The following KCNJ6 variants were observed in gnomAD, a reference collection of about 807,000 sequenced individuals.
KCNJ6 encodes the protein potassium inwardly rectifying channel subfamily J member 6.
In KCNJ6, 9 loss-of-function variants were observed where a neutral mutation model predicts 34.2. The ratio of observed to expected loss-of-function variants is 0.26; its 90% CI spans 0.16 to 0.46. KCNJ6 has a LOEUF of 0.46. Among genes scored for constraint, KCNJ6 ranks in the 20% least tolerant of loss-of-function variants. The pLI, the probability that KCNJ6 is intolerant of heterozygous loss-of-function variation, is 1.00. For missense variants in KCNJ6, 236 were observed against 531.3 expected, an observed-to-expected ratio of 0.44 and a Z score of 5.46; for synonymous variants, 196 against 207.1, an observed-to-expected ratio of 0.95 and a Z score of 0.46.
chr21:37,730,712 T>C lies in KCNJ6; in HGVS notation c.26-15581A>G, dbSNP rs191821710. On this transcript the variant is annotated intron_variant, in intron 2 of 3. Transcript: ENST00000609713. ...AACACAAAACCTGCATAGTGCCCCA[T>C]ATCAATGTGCAGTTGCATTCTACAC... is the stretch of plus-strand genomic sequence containing the variant. Among the ~76,000 whole-genome samples, 86 of 152,288 alleles carry C rather than the reference T, an allele frequency of 5.6e-4. 2 individuals are homozygous for C. The highest frequency in any genetic ancestry group is 1.8e-3 in the African/African-American group (74 of 41,546).
At chr21:37,889,668 G>A (rs1031307038) in intron 1 of KCNJ6, among the ~76,000 whole-genome samples, 1 of 152,316 alleles carries the variant, frequency 6.6e-6, no homozygotes, top group South Asian at 2.1e-4. Context: ...CTCCAGGGAA[G>A]AATCCACTCC....
At chr21:37,849,374 C>A (rs1186144164) in intron 1 of KCNJ6, among the ~76,000 whole-genome samples, 1 of 152,194 alleles carries the variant, frequency 6.6e-6, no homozygotes, top group Non-Finnish European at 1.5e-5. Context: ...CTTGCGGTGG[C>A]CAATGCCTCT....
intron 1 of KCNJ6, among the ~76,000 whole-genome samples, chr21:37,904,443 T>C (rs568028899): frequency 2.0e-4 from 31 of 152,294 alleles, no homozygotes; most frequent in African/African-American, 6.7e-4. Context: ...GACAGCAAAG[T>C]ATTTTTGTTC....
chr21:37,791,556 G>C (rs1288509667), intron 2 of KCNJ6, among the ~76,000 whole-genome samples: 1 of 152,212 alleles, frequency 6.6e-6, no homozygotes, highest in Non-Finnish European at 1.5e-5. Context: ...CACAATCTTA[G>C]TTCTAATAAA....
At chr21:37,797,009 GGT>G (rs1450484829) in intron 2 of KCNJ6, among the ~76,000 whole-genome samples, 1 of 151,414 alleles carries the variant, frequency 6.6e-6, no homozygotes, top group Non-Finnish European at 1.5e-5. Flanking sequence ...TAGCCAGGAT[GGT>G]CTCGATCTCC....
intron 1 of KCNJ6, among the ~76,000 whole-genome samples, chr21:37,910,146 T>C (rs2055860306): frequency 6.6e-6 from 1 of 152,138 alleles, no homozygotes. Flanking sequence ...AGCAGAGGCA[T>C]AGCGCTCCAG....
chr21:37,843,224 G>A (rs371734106), intron 1 of KCNJ6, among the ~76,000 whole-genome samples: 1 of 152,126 alleles, frequency 6.6e-6, no homozygotes. Context: ...CTGGTGGGTG[G>A]TCCTTGCAGC....
chr21:37,651,572 G>A (rs73904013), intron 3 of KCNJ6, among the ~76,000 whole-genome samples: 1 of 152,082 alleles, frequency 6.6e-6, no homozygotes, highest in Non-Finnish European at 1.5e-5. Flanking sequence ...ATTCAAGACA[G>A]AGCGGGGAAG....
At position 37,616,419 on chromosome 21, in the gene KCNJ6, C is replaced by T. The variant is rs2054266954; in HGVS notation, c.*8740G>A. On this transcript the variant is annotated 3_prime_UTR_variant, in exon 4 of 4. Coordinates refer to ENST00000609713, the MANE Select transcript of KCNJ6 (RefSeq NM_002240.5). ...GGAGCTTCTTTGGCAAGCTGGTCCC[C>T]TAATGGCATGCTGCAAAGGACAAGA... 2.0e-5 allele frequency: 3 copies of T among 150,928 alleles called. No individual in the cohort carries two copies. The highest frequency in any genetic ancestry group is 2.0e-4 in the Admixed American group (3 of 15,094). 9.3% of individuals were successfully genotyped at this position (150,928 alleles called of 1,614,324 possible).
chr21:37,752,639 T>C (rs1365193183), intron 2 of KCNJ6, among the ~76,000 whole-genome samples: 1 of 152,112 alleles, frequency 6.6e-6, no homozygotes, highest in Non-Finnish European at 1.5e-5. Context: ...ACCGTGCTCA[T>C]AAATCCTGGG....
At chr21:37,783,993 C>G (rs565706656) in intron 2 of KCNJ6, among the ~76,000 whole-genome samples, 1 of 152,346 alleles carries the variant, frequency 6.6e-6, no homozygotes, top group South Asian at 2.1e-4. Context: ...ATTGGACTTC[C>G]AGCCTCCAGA....
At chr21:37,856,071 A>G (rs1464919043) in intron 1 of KCNJ6, among the ~76,000 whole-genome samples, 1 of 151,618 alleles carries the variant, frequency 6.6e-6, no homozygotes, top group Non-Finnish European at 1.5e-5. Context: ...GCTAGGGCAG[A>G]TGGTGCTTGC....
intron 2 of KCNJ6, among the ~76,000 whole-genome samples, chr21:37,751,713 G>T (rs1568834196): frequency 6.6e-6 from 1 of 152,084 alleles, no homozygotes; most frequent in East Asian, 1.9e-4. Flanking sequence ...ATGTATGATT[G>T]TGCCAGCTTT....
chr21:37,894,508 C>CA (rs531245307), intron 1 of KCNJ6, among the ~76,000 whole-genome samples: 1 of 151,862 alleles, frequency 6.6e-6, no homozygotes, highest in Non-Finnish European at 1.5e-5. Context: ...ACTAAAAATA[C>CA]AAAAAAATTA....
intron 2 of KCNJ6, among the ~76,000 whole-genome samples, chr21:37,786,230 A>T (rs1032416292): frequency 6.6e-5 from 10 of 152,192 alleles, no homozygotes; most frequent in African/African-American, 2.4e-4. Context: ...ATGCTGACCC[A>T]CTGGCTACTT....
chr21:37,784,256 G>A (rs2055182918), intron 2 of KCNJ6, among the ~76,000 whole-genome samples: 1 of 152,154 alleles, frequency 6.6e-6, no homozygotes, highest in South Asian at 2.1e-4. Flanking sequence ...GAGTCTTGCT[G>A]GCTTTTTATG....
At chr21:37,822,572 A>G (rs1181831617) in intron 2 of KCNJ6, among the ~76,000 whole-genome samples, 1 of 152,194 alleles carries the variant, frequency 6.6e-6, no homozygotes, top group African/African-American at 2.4e-5. Context: ...GTTCCTACTC[A>G]GCATTGAGAG....
chr21:37,687,238 G>T (rs142769574), intron 3 of KCNJ6, among the ~76,000 whole-genome samples: 2 of 152,220 alleles, frequency 1.3e-5, no homozygotes, highest in East Asian at 3.9e-4. Flanking sequence ...GTCCCAGCCG[G>T]TATCTCAGCA....
At chr21:37,753,094 C>T (rs998004797) in intron 2 of KCNJ6, among the ~76,000 whole-genome samples, 11 of 152,174 alleles carry the variant, frequency 7.2e-5, no homozygotes, top group Non-Finnish European at 1.3e-4. Flanking sequence ...GTGGGCGAGA[C>T]GGCCGCATGG....
Sources: allele counts gnomAD v4.1 joint callset (sites outside exome capture counted in the v4.1 genomes callset), GRCh38; gene constraint gnomAD v4.1.1; transcripts MANE v1.5; gene names NCBI Gene and HGNC (gene_info 2026-07-23, HGNC 2026-07-21).